The following PRDM15 variants were observed in gnomAD, a reference collection of about 807,000 sequenced individuals.
PRDM15 encodes the protein PR domain zinc finger protein 15.
Under a neutral mutation model 128.6 loss-of-function variants are expected in PRDM15, and 64 were observed. That is an observed-to-expected ratio of 0.50 (90% CI 0.41 to 0.61). The LOEUF (loss-of-function observed/expected upper bound fraction) is 0.61, where lower values mean the gene tolerates loss of function less well. Ranked by LOEUF, PRDM15 falls within the 20% of genes least tolerant of loss-of-function variation. PRDM15 has a pLI of 0.00. For synonymous variants in PRDM15, 615 were observed against 621.8 expected (o/e 0.99, Z 0.16); for missense variants, 1,242 against 1,569.1 (o/e 0.79, Z 3.52).
At chr21:41,803,590 TC>T (rs895861906) in intron 22 of PRDM15, among the ~76,000 whole-genome samples, 2 of 152,164 alleles carry the variant, frequency 1.3e-5, no homozygotes, top group Admixed American at 6.5e-5. Flanking sequence ...CACAACCTGA[TC>T]CTAACCCAGT....
chr21:41,809,912 T>C (rs1348783072), intron 21 of PRDM15, among the ~76,000 whole-genome samples: 1 of 152,218 alleles, frequency 6.6e-6, no homozygotes, highest in Non-Finnish European at 1.5e-5. Context: ...CTTGCCATAA[T>C]TTCAGGGAGG....
chr21:41,804,777 C>T, intron 21 of PRDM15, 163 bp from the exon 22 acceptor site: 1 of 552,040 alleles, frequency 1.8e-6, no homozygotes, highest in Non-Finnish European at 3.2e-6. Context: ...GACTTTGAAA[C>T]TCTGTGTCCA....
At chr21:41,807,168 T>C (rs536318262) in intron 21 of PRDM15, among the ~76,000 whole-genome samples, 1 of 152,348 alleles carries the variant, frequency 6.6e-6, no homozygotes, top group Non-Finnish European at 1.5e-5. Context: ...CATAGAAGCA[T>C]TAGCTTCACT....
At chr21:41,860,255 A>C in intron 2 of PRDM15, 72 bp downstream of exon 2, 1 of 1,202,630 alleles carries the variant, frequency 8.3e-7, no homozygotes. Flanking sequence ...CCAGACAGCA[A>C]GCGCCACGCC....
intron 1 of PRDM15, among the ~76,000 whole-genome samples, chr21:41,868,619 C>T (rs2064098531): frequency 6.6e-6 from 1 of 151,930 alleles, no homozygotes; most frequent in African/African-American, 2.4e-5. Context: ...GCTTGTAGGC[C>T]ACATGTATTA....
chr21:41,822,502 G>A (rs1318805174), intron 14 of PRDM15, among the ~76,000 whole-genome samples: 1 of 152,268 alleles, frequency 6.6e-6, no homozygotes, highest in Non-Finnish European at 1.5e-5. Flanking sequence ...AAGCAGCCAC[G>A]GTGGGAGAGC....
intron 18 of PRDM15, among the ~76,000 whole-genome samples, chr21:41,816,072 G>A (rs950508150): frequency 6.6e-6 from 1 of 152,258 alleles, no homozygotes; most frequent in Non-Finnish European, 1.5e-5. Flanking sequence ...GCCAGGGCCT[G>A]GCCGAGCCCT....
intron 21 of PRDM15, 74 bp from the exon 22 acceptor site, chr21:41,804,688 G>T: frequency 1.7e-6 from 2 of 1,171,124 alleles, no homozygotes; most frequent in South Asian, 1.5e-5. Flanking sequence ...AGCCACACAC[G>T]CCTTGGGACC....
intron 1 of PRDM15, chr21:41,871,654 A>G (rs932356898): frequency 1.1e-5 from 18 of 1,585,936 alleles, no homozygotes; most frequent in African/African-American, 8.1e-5. Context: ...GAAAGTAGAC[A>G]TGAGAAGCCC....
chr21:41,804,963 T>TA (rs1214057982), intron 21 of PRDM15, among the ~76,000 whole-genome samples: 1 of 152,200 alleles, frequency 6.6e-6, no homozygotes, highest in Non-Finnish European at 1.5e-5. Context: ...CACAGCAAGG[T>TA]AAAGATACAG....
chr21:41,829,212 T>TCA (rs1202083353), intron 11 of PRDM15, among the ~76,000 whole-genome samples: 20,657 of 117,408 alleles, frequency 0.18, 1,570 homozygotes, highest in East Asian at 0.34. Flanking sequence ...CACATACATG[T>TCA]CACACACACC....
At chr21:41,850,663 G>A (rs971421476) in intron 5 of PRDM15, among the ~76,000 whole-genome samples, 1 of 152,098 alleles carries the variant, frequency 6.6e-6, no homozygotes, top group African/African-American at 2.4e-5. Flanking sequence ...GAGCCCACGA[G>A]GGCGGCTGCA....
At chr21:41,841,754 G>T (rs1275400378) in intron 6 of PRDM15, among the ~76,000 whole-genome samples, 1 of 152,154 alleles carries the variant, frequency 6.6e-6, no homozygotes, top group African/African-American at 2.4e-5. Flanking sequence ...AATCAATTGT[G>T]TTAACTGTGT....
At chr21:41,868,895 G>A (rs971950856) in intron 1 of PRDM15, among the ~76,000 whole-genome samples, 12 of 151,918 alleles carry the variant, frequency 7.9e-5, no homozygotes, top group African/African-American at 2.7e-4. Flanking sequence ...TCACCATGTT[G>A]GCCAGGCTGG....
intron 6 of PRDM15, among the ~76,000 whole-genome samples, chr21:41,845,429 T>A (rs929124503): frequency 2.7e-5 from 4 of 150,760 alleles, no homozygotes; most frequent in African/African-American, 9.8e-5. Flanking sequence ...GAGCCATGGA[T>A]GTTCCCAAGA....
At chr21:41,808,455 C>G (rs144636478) in intron 21 of PRDM15, among the ~76,000 whole-genome samples, 61 of 152,336 alleles carry the variant, frequency 4.0e-4, no homozygotes, top group African/African-American at 1.4e-3. Context: ...GGAACAGCAA[C>G]ACGGCGACGT....
chr21:41,874,518 TATATA>T (rs146462750), intron 1 of PRDM15, among the ~76,000 whole-genome samples: 4,985 of 78,574 alleles, frequency 0.063, 133 homozygotes, highest in African/African-American at 0.071. Context: ...TATATATATA[TATATA>T]TATTTTTTTT....
Position 41,810,550 on chromosome 21 carries a change from T to C in PRDM15, c.2476+203A>G, listed in dbSNP as rs542136902. On this transcript the variant is annotated intron_variant, in intron 20 of 23. Coordinates refer to ENST00000398548, the MANE Select transcript of PRDM15 (RefSeq NM_001040424.3). The surrounding 1 kb of genome is among the most constrained non-coding windows in gnomAD (Gnocchi z 6.4). ...CAGCAGCTGCATCACGGAACCAATATGAGAAAATTCAAGAAGGGATACTTG... is the reference window on the plus strand; with the variant it reads ...CAGCAGCTGCATCACGGAACCAATACGAGAAAATTCAAGAAGGGATACTTG... 40 of 645,610 alleles carry C rather than the reference T, an allele frequency of 6.2e-5. No individual in the cohort carries two copies. The African/African-American group carries it at 6.6e-4, about 11-fold the overall frequency. The allele number at this position is 645,610 out of a possible 1,614,324, so 40.0% of individuals were successfully genotyped here.
In PRDM15 at chr21:41,805,583, C is replaced by T. The variant is rs80254313; in HGVS notation, c.2653-969G>A. ...GTGTTTTAAGTTAACATAAATCCTG[C>T]AATGGCTTTGAAGACTCCAGTGTAA... On this transcript the variant is annotated intron_variant, in intron 21 of 23. Transcript: ENST00000398548. 3.9e-3 allele frequency among the ~76,000 whole-genome samples: 599 copies of T among 152,214 alleles called. 2 individuals are homozygous for T. The highest frequency in any genetic ancestry group is 0.013 in the African/African-American group (550 of 41,514).
Sources: allele counts gnomAD v4.1 joint callset (sites outside exome capture counted in the v4.1 genomes callset), GRCh38; gene constraint gnomAD v4.1.1; non-coding constraint Gnocchi (gnomAD v3.1); transcripts MANE v1.5; gene names NCBI Gene and HGNC (gene_info 2026-07-23, HGNC 2026-07-21).